Variants in NPAS3 observed in about 807,000 individuals in gnomAD.
NPAS3 encodes the protein neuronal PAS domain-containing protein 3.
In NPAS3, 14 loss-of-function variants were observed where a neutral mutation model predicts 73.1. The observed-to-expected ratio is 0.19, with a 90% CI of 0.13 to 0.30. The LOEUF is 0.30. Among genes scored for constraint, NPAS3 ranks in the 10% least tolerant of loss-of-function variants. NPAS3 has a pLI of 1.00. For missense variants in NPAS3, 1,096 were observed against 1,250.0 expected (o/e 0.88, Z 1.86); for synonymous variants, 620 against 541.5 (o/e 1.14, Z -2.01).
intron 3 of NPAS3, among the ~76,000 whole-genome samples, chr14:33,247,297 C>G (rs17100443): frequency 0.026 from 3,914 of 152,228 alleles, 90 homozygotes; most frequent in African/African-American, 0.057. Context: ...GATTTTGACT[C>G]TTTGGGGAAA....
At chr14:33,055,959 A>T (rs766280068) in exon 2 of NPAS3, 2 of 810,386 alleles carry the variant, frequency 2.5e-6, no homozygotes, top group Middle Eastern at 2.2e-4. Context: ...AAATCTACAG[A>T]TATGACGGAA....
At chr14:33,530,360 A>G (rs780612916) in intron 4 of NPAS3, among the ~76,000 whole-genome samples, 3 of 152,152 alleles carry the variant, frequency 2.0e-5, no homozygotes, top group Non-Finnish European at 4.4e-5. Flanking sequence ...TCCTTTATTT[A>G]TCTTAGCTGC....
intron 4 of NPAS3, among the ~76,000 whole-genome samples, chr14:33,534,492 C>T (rs1410330208): frequency 6.6e-6 from 1 of 152,090 alleles, no homozygotes; most frequent in African/African-American, 2.4e-5. Context: ...AGGAGTGTGA[C>T]TACAATATGG....
intron 1 of NPAS3, among the ~76,000 whole-genome samples, chr14:32,951,038 T>G (rs1270658943): frequency 1.3e-5 from 2 of 152,152 alleles, no homozygotes; most frequent in Non-Finnish European, 2.9e-5. Flanking sequence ...CAATACATTA[T>G]GAATTACCAC....
chr14:33,801,816 T>G (rs1167714152), downstream of NPAS3: 1 of 152,466 alleles, frequency 6.6e-6, no homozygotes, highest in Non-Finnish European at 1.5e-5. Flanking sequence ...TTTATTAATC[T>G]GTAATGTCTT....
At chr14:33,656,169 G>T (rs7155957) in intron 5 of NPAS3, among the ~76,000 whole-genome samples, 77,009 of 151,614 alleles carry the variant, frequency 0.51, 19,571 homozygotes, top group East Asian at 0.57. Context: ...ACTGCAAACA[G>T]AAGACTAGTA....
intron 5 of NPAS3, among the ~76,000 whole-genome samples, chr14:33,613,531 T>C (rs570634858): frequency 2.6e-5 from 4 of 152,152 alleles, no homozygotes; most frequent in African/African-American, 7.2e-5. Context: ...CCCTCTCTTC[T>C]CTTCATTGGT....
chr14:33,603,803 A>G (rs575131000), intron 5 of NPAS3, among the ~76,000 whole-genome samples: 1 of 152,270 alleles, frequency 6.6e-6, no homozygotes, highest in South Asian at 2.1e-4. Context: ...AATCTCTTTA[A>G]AAGATAATAG....
At chr14:33,433,269 G>T (rs866712258) in intron 4 of NPAS3, among the ~76,000 whole-genome samples, 1 of 152,136 alleles carries the variant, frequency 6.6e-6, no homozygotes, top group Non-Finnish European at 1.5e-5. Flanking sequence ...TTTTAAAGCT[G>T]CTGTTATTCA....
At chr14:33,086,350 A>G (rs1016481769) in intron 2 of NPAS3, among the ~76,000 whole-genome samples, 14 of 152,102 alleles carry the variant, frequency 9.2e-5, no homozygotes, top group Non-Finnish European at 4.4e-5. Context: ...TATTTTCCAT[A>G]TATTCTTCTA....
intron 4 of NPAS3, among the ~76,000 whole-genome samples, chr14:33,426,838 T>A (rs1670596386): frequency 6.6e-6 from 1 of 152,070 alleles, no homozygotes; most frequent in Non-Finnish European, 1.5e-5. Context: ...CATGGAAAGT[T>A]TGAGATTTGT....
intron 4 of NPAS3, among the ~76,000 whole-genome samples, chr14:33,416,308 A>T (rs937815145): frequency 7.2e-5 from 11 of 152,084 alleles, no homozygotes; most frequent in Admixed American, 5.2e-4. Flanking sequence ...AGGGAAAAAA[A>T]ATAATTTATC....
intron 9 of NPAS3, among the ~76,000 whole-genome samples, chr14:33,782,348 T>C (rs985210627): frequency 4.6e-5 from 7 of 152,166 alleles, no homozygotes; most frequent in African/African-American, 1.7e-4. Flanking sequence ...TCTTCAATTA[T>C]GAGACGTTTC....
chr14:33,801,867 A>C (rs1038437062), downstream of NPAS3: 1 of 152,250 alleles, frequency 6.6e-6, no homozygotes, highest in South Asian at 2.1e-4. Flanking sequence ...TGGGGGAAAA[A>C]AAAAAAATGT....
chr14:33,201,140 G>A (rs746196617), intron 2 of NPAS3, among the ~76,000 whole-genome samples: 1 of 152,178 alleles, frequency 6.6e-6, no homozygotes. Context: ...GAAGGCATTT[G>A]AAGGACCATC....
chr14:33,718,850 G>C (rs1040307191), intron 6 of NPAS3, among the ~76,000 whole-genome samples: 5 of 152,172 alleles, frequency 3.3e-5, no homozygotes, highest in Non-Finnish European at 7.3e-5. Context: ...CTGCGGCCAG[G>C]TACGGTGGCT....
chr14:33,621,849 C>T (rs2058084390), intron 5 of NPAS3, among the ~76,000 whole-genome samples: 1 of 152,098 alleles, frequency 6.6e-6, no homozygotes, highest in South Asian at 2.1e-4. Context: ...AATGAAGAAA[C>T]TCTGACAGGG....
rs552681033 is a variant in NPAS3, at chr14:33,131,891, C to G, written c.140+75897C>G. Among the ~76,000 whole-genome samples, 5 of 152,188 alleles carry G rather than the reference C, an allele frequency of 3.3e-5. No individual in the cohort carries two copies. In the East Asian group the frequency reaches 9.7e-4, roughly 29 times the overall value. ...GCTTGCAGGATCAATTATACTTTAT[C>G]TGATAGAGAAAGTGGGACAAGTCAT... is the stretch of plus-strand genomic sequence containing the variant. On this transcript the variant is annotated intron_variant, in intron 2 of 11. Coordinates refer to ENST00000356141, the Ensembl canonical transcript of NPAS3.
At chr14:32,947,080 A>G (rs1330724850) in intron 1 of NPAS3, among the ~76,000 whole-genome samples, 1 of 152,194 alleles carries the variant, frequency 6.6e-6, no homozygotes, top group Non-Finnish European at 1.5e-5. Context: ...GGTCATTTCA[A>G]TAATATTTCA....
Sources: allele counts gnomAD v4.1 joint callset (sites outside exome capture counted in the v4.1 genomes callset), GRCh38; gene constraint gnomAD v4.1.1; transcripts MANE v1.5; gene names NCBI Gene and HGNC (gene_info 2026-07-23, HGNC 2026-07-21).